Variants in ANKRD28 observed in about 807,000 individuals in gnomAD.
ANKRD28 encodes the protein serine/threonine-protein phosphatase 6 regulatory ankyrin repeat subunit A.
Under a neutral mutation model 126.5 loss-of-function variants are expected in ANKRD28, and 44 were observed. The observed-to-expected ratio is 0.35, with a 90% CI of 0.27 to 0.45. The LOEUF (loss-of-function observed/expected upper bound fraction) is 0.45, where lower values mean the gene tolerates loss of function less well. ANKRD28 is among the 20% of genes least tolerant of loss of function. The pLI is 1.00. For synonymous variants in ANKRD28, 442 were observed against 468.5 expected (o/e 0.94, Z 0.73); for missense variants, 1,110 against 1,316.6 (o/e 0.84, Z 2.43).
intron 2 of ANKRD28, among the ~76,000 whole-genome samples, chr3:15,786,192 T>C (rs2125734752): frequency 6.6e-6 from 1 of 152,224 alleles, no homozygotes; most frequent in African/African-American, 2.4e-5. Context: ...GCCATAATGA[T>C]ATGTATTAAT....
rs150838300 is a variant in ANKRD28 at position 15,718,123 on chromosome 3, T to C, written c.996+2792A>G. On this transcript the variant is annotated intron_variant, in intron 8 of 27. Transcript: ENST00000683139. Reference sequence around the variant, plus strand: ...AAAATACAGTTGTCAGGAATGAATATATATTCTTGCTGGATGAAAACTCAC... The same window carrying C: ...AAAATACAGTTGTCAGGAATGAATACATATTCTTGCTGGATGAAAACTCAC... Among the ~76,000 whole-genome samples, 431 of 152,324 alleles carry C rather than the reference T, an allele frequency of 2.8e-3. 2 individuals are homozygous for C. Among genetic ancestry groups the C allele is most frequent in the Middle Eastern group, 0.01 (3 of 294 alleles).
At chr3:15,679,799 G>A (rs1337883932) in intron 21 of ANKRD28, among the ~76,000 whole-genome samples, 8 of 151,924 alleles carry the variant, frequency 5.3e-5, no homozygotes, top group Admixed American at 5.2e-4. Flanking sequence ...TGTATCCGTG[G>A]GTTCTGCATC....
intron 18 of ANKRD28, among the ~76,000 whole-genome samples, chr3:15,688,382 C>G (rs905886066): frequency 6.6e-6 from 1 of 152,160 alleles, no homozygotes; most frequent in Non-Finnish European, 1.5e-5. Context: ...CTCAGCCTCC[C>G]AAGTTAGGTG....
intron 1 of ANKRD28, among the ~76,000 whole-genome samples, chr3:15,796,037 A>T (rs1229100339): frequency 6.6e-6 from 1 of 152,148 alleles, no homozygotes; most frequent in African/African-American, 2.4e-5. Flanking sequence ...GCCATGCCTT[A>T]GTGTTGCTGG....
intron 3 of ANKRD28, among the ~76,000 whole-genome samples, chr3:15,765,112 A>G (rs964397479): frequency 3.9e-5 from 6 of 152,186 alleles, no homozygotes; most frequent in African/African-American, 1.4e-4. Context: ...TGGCAATACA[A>G]GCTCAAATCA....
In ANKRD28 at chr3:15,833,815, T is replaced by C. The variant is rs1277450895; in HGVS notation, c.27+25562A>G. Among the ~76,000 whole-genome samples the C allele has an allele frequency of 3.3e-5, 5 of 151,960 alleles. No individual in the cohort carries two copies. Among genetic ancestry groups the C allele is most frequent in the Non-Finnish European group, 5.9e-5 (4 of 67,970 alleles). On this transcript the variant is annotated intron_variant, in intron 1 of 27. Transcript: ENST00000399451. This position sits in a 1 kb window ranked among gnomAD's most constrained non-coding sequence, Gnocchi z 4.4. ...CCAATAATGGAACACTAGGCATAAG[T>C]GGATTAATTTGTATTTCTTTTATGA... is the stretch of plus-strand genomic sequence containing the variant.
intron 15 of ANKRD28, 32 bp from the exon 16 acceptor site, chr3:15,695,246 C>T: frequency 6.6e-7 from 1 of 1,505,850 alleles, no homozygotes; most frequent in Non-Finnish European, 9.1e-7. Context: ...AAATATTTAG[C>T]TTGGGAAGTA....
At chr3:15,851,429 A>C (rs910095914) in intron 1 of ANKRD28, among the ~76,000 whole-genome samples, 17 of 152,066 alleles carry the variant, frequency 1.1e-4, no homozygotes, top group African/African-American at 4.1e-4. Context: ...CTGTACTCCC[A>C]GCTACTTGGG....
chr3:15,678,826 T>C (rs1479394613), intron 23 of ANKRD28, among the ~76,000 whole-genome samples: 2 of 152,178 alleles, frequency 1.3e-5, no homozygotes, highest in Admixed American at 6.5e-5. Flanking sequence ...AATCTATAAA[T>C]AGAAAAACCT....
rs2305222 is a variant in ANKRD28, at chr3:15,797,203, C to A, written c.-682G>T. 632,288 of 918,790 alleles carry A rather than the reference C, an allele frequency of 0.69. 204,005 individuals are homozygous for A. The highest frequency in any genetic ancestry group is 0.91 in the East Asian group (7,428 of 8,192). The allele number at this position is 918,790 out of a possible 1,614,324, so 56.9% of individuals were successfully genotyped here. On this transcript the variant is annotated 5_prime_UTR_variant, in exon 1 of 28. Coordinates refer to ENST00000683139, the MANE Select transcript of ANKRD28 (RefSeq NM_001349278.2). ...CAGTGTTTGGGAAAGGGGCAAAAAA[C>A]AAAAACAAAAAAAAAAAAACCACTC...
In ANKRD28 at chr3:15,839,495, A is replaced by G. The variant is rs1238735875; in HGVS notation, c.27+19882T>C. 2.0e-5 allele frequency among the ~76,000 whole-genome samples: 3 copies of G among 152,208 alleles called. No homozygotes were observed. The highest frequency in any genetic ancestry group is 4.4e-5 in the Non-Finnish European group (3 of 68,032). ...AAACTATAATCACATTTCAGAATCA[A>G]TGTGGCTCAGATAGAGGGCTACTTG... On this transcript the variant is annotated intron_variant, in intron 1 of 27. Coordinates refer to the ANKRD28 transcript ENST00000399451. This position sits in a 1 kb window ranked among gnomAD's most constrained non-coding sequence, Gnocchi z 4.3.
intron 7 of ANKRD28, among the ~76,000 whole-genome samples, chr3:15,721,784 G>A (rs1475601713): frequency 1.3e-5 from 2 of 151,990 alleles, no homozygotes; most frequent in East Asian, 1.9e-4. Context: ...TCATTCTGTC[G>A]CCCAGACTGG....
intron 2 of ANKRD28, among the ~76,000 whole-genome samples, chr3:15,769,522 G>A (rs2058899089): frequency 6.6e-6 from 1 of 151,914 alleles, no homozygotes; most frequent in African/African-American, 2.4e-5. Flanking sequence ...CAAAATGCTA[G>A]TAACAACTTA....
intron 2 of ANKRD28, among the ~76,000 whole-genome samples, chr3:15,771,731 C>CA (rs1224058738): frequency 1.3e-5 from 2 of 152,176 alleles, no homozygotes; most frequent in East Asian, 3.8e-4. Flanking sequence ...AGGGGACAAA[C>CA]ATCCAAACGA....
chr3:15,683,155 ACT>A (rs1156665263), intron 21 of ANKRD28, among the ~76,000 whole-genome samples: 1 of 152,086 alleles, frequency 6.6e-6, no homozygotes, highest in Admixed American at 6.5e-5. Context: ...AAAATATCTC[ACT>A]GTGTGATTTT....
chr3:15,778,184 T>C (rs1325630935), intron 2 of ANKRD28, among the ~76,000 whole-genome samples: 3 of 152,232 alleles, frequency 2.0e-5, no homozygotes, highest in Non-Finnish European at 4.4e-5. Context: ...ACTTGTTTCA[T>C]GTTCAATGGC....
intron 27 of ANKRD28, among the ~76,000 whole-genome samples, chr3:15,671,141 C>A (rs1016796879): frequency 6.6e-6 from 1 of 152,168 alleles, no homozygotes; most frequent in Non-Finnish European, 1.5e-5. Context: ...AAACAGTAGA[C>A]AAACTAAGCA....
At chr3:15,690,693 T>G (rs1308400974) in intron 17 of ANKRD28, among the ~76,000 whole-genome samples, 9 of 152,136 alleles carry the variant, frequency 5.9e-5, no homozygotes, top group Non-Finnish European at 4.4e-5. Flanking sequence ...GCCTCCTGAG[T>G]AGCAGGGACC....
At chr3:15,813,314 C>T (rs948090683) in intron 1 of ANKRD28, among the ~76,000 whole-genome samples, 1 of 152,044 alleles carries the variant, frequency 6.6e-6, no homozygotes, top group Non-Finnish European at 1.5e-5. Context: ...TGCAGTCAGC[C>T]CTGATCACAT....
Sources: gnomAD v4.1 joint callset for allele counts (sites outside exome capture counted in the v4.1 genomes callset) on GRCh38, gnomAD v4.1.1 for gene constraint, Gnocchi (gnomAD v3.1) non-coding constraint, MANE v1.5 for transcripts, NCBI Gene and HGNC (gene_info 2026-07-23, HGNC 2026-07-21) for gene names.